CNTNAP2: variants seen among roughly 807,000 people sequenced by gnomAD.
The protein encoded by CNTNAP2 is contactin associated protein 2, also known as contactin-associated protein-like 2.
A neutral mutation model predicts 155.2 loss-of-function variants in CNTNAP2; 98 were observed. The ratio of observed to expected loss-of-function variants is 0.63; its 90% confidence interval spans 0.54 to 0.75. The LOEUF (loss-of-function observed/expected upper bound fraction) is 0.75, where lower values mean the gene tolerates loss of function less well. Ranked by LOEUF, CNTNAP2 falls within the 30% of genes least tolerant of loss-of-function variation. CNTNAP2 has a pLI of 0.00. For synonymous variants in CNTNAP2, 651 were observed against 631.2 expected, an observed-to-expected ratio of 1.03 and a Z score of -0.47; for missense variants, 1,727 against 1,688.1, an observed-to-expected ratio of 1.02 and a Z score of -0.40.
At chr7:146,487,120 A>C (rs1027282049) in intron 1 of CNTNAP2, among the ~76,000 whole-genome samples, 1 of 152,220 alleles carries the variant, frequency 6.6e-6, no homozygotes, top group African/African-American at 2.4e-5. Context: ...AATACGTATA[A>C]GTCATGATCT....
At chr7:146,917,981 T>G (rs1483017258) in intron 3 of CNTNAP2, among the ~76,000 whole-genome samples, 1 of 152,196 alleles carries the variant, frequency 6.6e-6, no homozygotes, top group Non-Finnish European at 1.5e-5. Flanking sequence ...GTTTGTTTTC[T>G]CTGATAGAAT....
chr7:147,245,658 C>T (rs1804044874), intron 8 of CNTNAP2, among the ~76,000 whole-genome samples: 3 of 150,940 alleles, frequency 2.0e-5, no homozygotes, highest in African/African-American at 2.4e-5. Flanking sequence ...CTGGTTGAAA[C>T]CCCCATCTCT....
chr7:147,137,317 T>C (rs1801503381), intron 8 of CNTNAP2, among the ~76,000 whole-genome samples: 1 of 151,258 alleles, frequency 6.6e-6, no homozygotes, highest in African/African-American at 2.4e-5. Context: ...CTAATGTCAT[T>C]ATTATAAATA....
At chr7:146,293,755 A>T (rs1800468464) in intron 1 of CNTNAP2, among the ~76,000 whole-genome samples, 1 of 151,900 alleles carries the variant, frequency 6.6e-6, no homozygotes, top group Non-Finnish European at 1.5e-5. Flanking sequence ...CCTCTAAATT[A>T]TCTAATTTGA....
chr7:147,265,480 C>G (rs961886372), intron 8 of CNTNAP2, among the ~76,000 whole-genome samples: 1 of 152,176 alleles, frequency 6.6e-6, no homozygotes, highest in African/African-American at 2.4e-5. Flanking sequence ...CAACTCCAGC[C>G]AGGGGCTTAG....
At chr7:146,983,233 T>G (rs1798052355) in intron 3 of CNTNAP2, among the ~76,000 whole-genome samples, 2 of 152,136 alleles carry the variant, frequency 1.3e-5, no homozygotes. Context: ...TTCTGCTGAA[T>G]GGAAGTGGGA....
At chr7:148,289,948 AT>A (rs772226749) in intron 21 of CNTNAP2, among the ~76,000 whole-genome samples, 7 of 152,316 alleles carry the variant, frequency 4.6e-5, no homozygotes, top group South Asian at 4.1e-4. Flanking sequence ...AACAAACCAC[AT>A]TTTTTTAAAT....
chr7:147,297,324 G>GT (rs5888246), intron 8 of CNTNAP2, among the ~76,000 whole-genome samples: 71,480 of 151,774 alleles, frequency 0.47, 17,461 homozygotes, highest in East Asian at 0.76. Context: ...TAACTTTAGG[G>GT]TTTTTTTAGT....
At chr7:146,825,242 T>C (rs1408689941) in intron 2 of CNTNAP2, among the ~76,000 whole-genome samples, 1 of 152,124 alleles carries the variant, frequency 6.6e-6, no homozygotes, top group Non-Finnish European at 1.5e-5. Flanking sequence ...ATCTCCCCTC[T>C]TTATCAAAAC....
At chr7:146,742,686 T>TA (rs1467858197) in intron 1 of CNTNAP2, among the ~76,000 whole-genome samples, 1 of 147,070 alleles carries the variant, frequency 6.8e-6, no homozygotes, top group Non-Finnish European at 1.5e-5. Context: ...GAGAGAAGAG[T>TA]AAAAAATCAA....
At chr7:146,273,348 A>G (rs1217946780) in intron 1 of CNTNAP2, among the ~76,000 whole-genome samples, 1 of 152,142 alleles carries the variant, frequency 6.6e-6, no homozygotes, top group Non-Finnish European at 1.5e-5. Context: ...ATAAAAATGT[A>G]AGATAATTTC....
intron 10 of CNTNAP2, among the ~76,000 whole-genome samples, chr7:147,448,482 G>GTATATATATATATATATATATA (rs10635826): frequency 1.9e-5 from 2 of 103,320 alleles, no homozygotes; most frequent in African/African-American, 6.7e-5. Context: ...ATGTGTGTGT[G>GTATATATATATATATATATATA]TGTATATATA....
At chr7:147,548,152 C>T (rs1799779554) in intron 11 of CNTNAP2, among the ~76,000 whole-genome samples, 1 of 152,212 alleles carries the variant, frequency 6.6e-6, no homozygotes, top group African/African-American at 2.4e-5. Flanking sequence ...AATGGTGTTT[C>T]TGGTTCTAGA....
At chr7:146,988,744 A>G (rs1584768537) in intron 3 of CNTNAP2, among the ~76,000 whole-genome samples, 1 of 152,298 alleles carries the variant, frequency 6.6e-6, no homozygotes, top group East Asian at 1.9e-4. Flanking sequence ...GTTTAAAAGA[A>G]ATCTTATCAA....
At chr7:146,959,634 C>A (rs1411960831) in intron 3 of CNTNAP2, among the ~76,000 whole-genome samples, 1 of 148,170 alleles carries the variant, frequency 6.7e-6, no homozygotes, top group Non-Finnish European at 1.5e-5. Context: ...GCAGAAGACT[C>A]ACTTGAACCC....
At chr7:147,598,535 G>A (rs1197562369) in intron 12 of CNTNAP2, among the ~76,000 whole-genome samples, 1 of 152,124 alleles carries the variant, frequency 6.6e-6, no homozygotes, top group Non-Finnish European at 1.5e-5. Context: ...TGGCTGCATA[G>A]TATTCTATGG....
chr7:148,238,273 C>T (rs1317594204), intron 20 of CNTNAP2, among the ~76,000 whole-genome samples: 3 of 152,126 alleles, frequency 2.0e-5, no homozygotes, highest in Non-Finnish European at 2.9e-5. Flanking sequence ...CGCTTGAACC[C>T]GGGAGGCAGA....
intron 1 of CNTNAP2, among the ~76,000 whole-genome samples, chr7:146,151,683 T>G (rs1444178681): frequency 1.4e-4 from 2 of 14,202 alleles, no homozygotes; most frequent in Non-Finnish European, 3.2e-4. Flanking sequence ...TATATATATG[T>G]ATATATATAT....
intron 15 of CNTNAP2, among the ~76,000 whole-genome samples, chr7:147,983,409 TC>T (rs1801566319): frequency 2.6e-5 from 4 of 150,964 alleles, no homozygotes; most frequent in Middle Eastern, 3.5e-3. Context: ...TCTCTCAACA[TC>T]CCTTAATAGG....
Sources: allele counts gnomAD v4.1 joint callset (sites outside exome capture counted in the v4.1 genomes callset), GRCh38; gene constraint gnomAD v4.1.1; transcripts MANE v1.5; gene names NCBI Gene and HGNC (gene_info 2026-07-23, HGNC 2026-07-21).